Variants in DLG2 observed in about 807,000 individuals in gnomAD.
DLG2 encodes the protein discs large MAGUK scaffold protein 2.
DLG2 carries 45 observed loss-of-function variants against 132.5 expected under a neutral mutation model. The ratio of observed to expected loss-of-function variants is 0.34; its 90% CI spans 0.27 to 0.44. The LOEUF is 0.44. Ranked by LOEUF, DLG2 falls within the 20% of genes least tolerant of loss-of-function variation. The pLI is 1.00. For missense variants in DLG2, 1,045 were observed against 1,196.9 expected (o/e 0.87, Z 1.87); for synonymous variants, 424 against 419.6 (o/e 1.01, Z -0.13).
At chr11:84,208,305 T>A (rs2096703600) in intron 8 of DLG2, among the ~76,000 whole-genome samples, 1 of 151,960 alleles carries the variant, frequency 6.6e-6, no homozygotes, top group Admixed American at 6.6e-5. Flanking sequence ...ACTGTGTTTC[T>A]GTGGGCCATG....
rs573447251 is a variant in DLG2, at chr11:84,854,249, C to T, written c.357+257412G>A. 5.3e-5 allele frequency among the ~76,000 whole-genome samples: 8 copies of T among 150,794 alleles called. No homozygotes were observed. In the East Asian group the frequency reaches 1.2e-3, roughly 22 times the overall value. ...GCCCTCTTACAATCTCTTGTTATTG[C>T]CCAATATAAACCTGCCTAACAAGTA... On this transcript the variant is annotated intron_variant, in intron 6 of 27. Coordinates refer to ENST00000376104, the MANE Select transcript of DLG2 (RefSeq NM_001142699.3).
intron 3 of DLG2, among the ~76,000 whole-genome samples, chr11:85,289,359 A>T (rs889107038): frequency 9.2e-5 from 14 of 152,194 alleles, no homozygotes; most frequent in Admixed American, 1.3e-4. Context: ...CTAGGCCCAG[A>T]TCCCCCTTCC....
chr11:84,443,585 A>C (rs1257784423), intron 7 of DLG2, among the ~76,000 whole-genome samples: 1 of 152,198 alleles, frequency 6.6e-6, no homozygotes, highest in Non-Finnish European at 1.5e-5. Context: ...TCAGACATTC[A>C]TGTTTCCGAA....
At chr11:84,450,570 C>T (rs1404708745) in intron 7 of DLG2, among the ~76,000 whole-genome samples, 3 of 151,186 alleles carry the variant, frequency 2.0e-5, no homozygotes, top group Admixed American at 2.0e-4. Flanking sequence ...ATTTAGAGAT[C>T]AGGGAGAATG....
intron 9 of DLG2, among the ~76,000 whole-genome samples, chr11:84,146,196 G>A (rs2095073854): frequency 6.6e-6 from 1 of 152,168 alleles, no homozygotes; most frequent in Admixed American, 6.5e-5. Context: ...TATAAGCTTT[G>A]GGGTATTAAG....
chr11:83,732,127 GT>G (rs2091127409), intron 18 of DLG2, among the ~76,000 whole-genome samples: 1 of 152,062 alleles, frequency 6.6e-6, no homozygotes, highest in Non-Finnish European at 1.5e-5. Context: ...TAGTTAGTAT[GT>G]TAAAGACGTG....
chr11:84,099,139 T>C (rs997534944), intron 9 of DLG2, 92 bp from the exon 10 acceptor site: 10 of 1,187,544 alleles, frequency 8.4e-6, no homozygotes, highest in African/African-American at 4.5e-5. Flanking sequence ...ACTACTCAAA[T>C]GGAAATCAGG....
At chr11:85,039,468 T>C (rs1445606741) in intron 6 of DLG2, among the ~76,000 whole-genome samples, 1 of 151,964 alleles carries the variant, frequency 6.6e-6, no homozygotes, top group Non-Finnish European at 1.5e-5. Flanking sequence ...ATTCCCTAGT[T>C]GTATAAGCTT....
At chr11:85,041,639 A>G (rs1285453091) in intron 6 of DLG2, among the ~76,000 whole-genome samples, 2 of 151,936 alleles carry the variant, frequency 1.3e-5, no homozygotes. Flanking sequence ...CATGGTTTCA[A>G]TAAGAGATGA....
chr11:85,070,282 C>A (rs1366814578), intron 6 of DLG2, among the ~76,000 whole-genome samples: 1 of 149,818 alleles, frequency 6.7e-6, no homozygotes, highest in Non-Finnish European at 1.5e-5. Flanking sequence ...TGCACATGTA[C>A]CCTAGAACTT....
intron 8 of DLG2, among the ~76,000 whole-genome samples, chr11:84,236,857 A>G (rs2097164035): frequency 6.6e-6 from 1 of 151,942 alleles, no homozygotes; most frequent in Non-Finnish European, 1.5e-5. Context: ...TAACATCCCA[A>G]TTCTTATACC....
chr11:84,716,936 C>T (rs904317142), intron 6 of DLG2, among the ~76,000 whole-genome samples: 1 of 151,926 alleles, frequency 6.6e-6, no homozygotes, highest in African/African-American at 2.4e-5. Context: ...TAATGCCTAG[C>T]ATGGAAAGAC....
At chr11:84,398,140 A>G (rs952572774) in intron 7 of DLG2, among the ~76,000 whole-genome samples, 2 of 152,252 alleles carry the variant, frequency 1.3e-5, no homozygotes, top group Non-Finnish European at 2.9e-5. Context: ...GTTGATATAC[A>G]GCGCTTTGGC....
intron 6 of DLG2, among the ~76,000 whole-genome samples, chr11:84,871,631 G>A (rs1036665411): frequency 6.6e-6 from 1 of 151,570 alleles, no homozygotes; most frequent in Non-Finnish European, 1.5e-5. Context: ...ATATAATTGG[G>A]TATAAACATT....
At chr11:84,993,568 T>C (rs1209982877) in intron 6 of DLG2, among the ~76,000 whole-genome samples, 1 of 152,188 alleles carries the variant, frequency 6.6e-6, no homozygotes, top group Non-Finnish European at 1.5e-5. Flanking sequence ...AGACTGTCCT[T>C]TGTCCTACCG....
chr11:85,223,642 T>C (rs992139045), intron 4 of DLG2, among the ~76,000 whole-genome samples: 9 of 151,980 alleles, frequency 5.9e-5, no homozygotes, highest in Non-Finnish European at 1.3e-4. Flanking sequence ...TGCTGTTTTT[T>C]TGTTGTTGTT....
chr11:84,654,593 A>AT (rs2099685977), intron 6 of DLG2, among the ~76,000 whole-genome samples: 2 of 152,186 alleles, frequency 1.3e-5, no homozygotes, highest in South Asian at 2.1e-4. Context: ...CATTTATACC[A>AT]TTTTTCCAAC....
chr11:84,440,796 C>A (rs1219623858), intron 7 of DLG2, among the ~76,000 whole-genome samples: 1 of 152,128 alleles, frequency 6.6e-6, no homozygotes, highest in African/African-American at 2.4e-5. Context: ...CTATGTGAGC[C>A]TCCTCTGAAT....
At chr11:84,043,623 T>C (rs556094488) in intron 11 of DLG2, among the ~76,000 whole-genome samples, 100 of 151,826 alleles carry the variant, frequency 6.6e-4, no homozygotes, top group Non-Finnish European at 1.3e-3. Flanking sequence ...TCAATACTCC[T>C]TGGGCCACTA....
Sources: allele counts gnomAD v4.1 joint callset (sites outside exome capture counted in the v4.1 genomes callset), GRCh38; gene constraint gnomAD v4.1.1; transcripts MANE v1.5; gene names NCBI Gene and HGNC (gene_info 2026-07-23, HGNC 2026-07-21).